The following ZNF729 variants were observed in gnomAD, a reference collection of about 807,000 sequenced individuals.
The protein encoded by ZNF729 is zinc finger protein 729.
Under a neutral mutation model 12.2 loss-of-function variants are expected in ZNF729, and 15 were observed. The ratio of observed to expected loss-of-function variants is 1.23; its 90% CI spans 0.82 to 1.89. The LOEUF (loss-of-function observed/expected upper bound fraction) is 1.89, where lower values mean the gene tolerates loss of function less well. ZNF729 is among the 40% of genes most tolerant of loss of function. The probability of loss-of-function intolerance (pLI) is 0.00; values close to 1 mark genes in which losing one functional copy is unlikely to be tolerated. For missense variants in ZNF729, 1,540 were observed against 1,456.7 expected, an observed-to-expected ratio of 1.06 and a Z score of -0.93; for synonymous variants, 492 against 476.3, an observed-to-expected ratio of 1.03 and a Z score of -0.43.
Position 22,316,316 on chromosome 19 carries a change from G to A in ZNF729, c.2899G>A (p.Ala967Thr), listed in dbSNP as rs1466627060. ...IHTGKKPYKCAECGKAFKQSS... is the reference protein window; with the variant it reads ...IHTGKKPYKCTECGKAFKQSS... ...TACTGGGAAGAAACCATACAAATGT[G>A]CAGAATGTGGCAAAGCTTTTAAGCA... The change falls in exon 4 of 4, where the codon GCA becomes ACA. Residue 967 changes from alanine to threonine, a missense_variant. Transcript: ENST00000601693. 19 of 1,613,650 alleles carry A rather than the reference G, an allele frequency of 1.2e-5. No homozygotes were observed. The highest frequency in any genetic ancestry group is 1.6e-5 in the Non-Finnish European group (19 of 1,179,698).
intron 3 of ZNF729, among the ~76,000 whole-genome samples, chr19:22,306,542 A>AT (rs1195314425): frequency 6.9e-6 from 1 of 144,094 alleles, no homozygotes; most frequent in East Asian, 2.0e-4. Flanking sequence ...TTGTTTAACT[A>AT]TTTTTTGTTT....
chr19:22,306,253 A>G (rs1372890148), intron 3 of ZNF729, among the ~76,000 whole-genome samples: 3 of 152,048 alleles, frequency 2.0e-5, no homozygotes, highest in South Asian at 2.1e-4. Flanking sequence ...AGCCTGGCCA[A>G]CATAGAGAAA....
intron 1 of ZNF729, among the ~76,000 whole-genome samples, chr19:22,290,950 C>T (rs1968143990): frequency 6.6e-6 from 1 of 152,030 alleles, no homozygotes; most frequent in Admixed American, 6.6e-5. Context: ...TATTATTGAA[C>T]TTGAAGAAGG....
At position 22,298,027 on chromosome 19, in the gene ZNF729, A is replaced by C. The variant is rs942233392; in HGVS notation, c.31-5731A>C. Among the ~76,000 whole-genome samples, 241 of 140,204 alleles carry C rather than the reference A, an allele frequency of 1.7e-3. 1 individual carries two copies. Among genetic ancestry groups the C allele is most frequent in the African/African-American group, 4.9e-3 (190 of 38,660 alleles). The allele number at this position is 140,204 out of a possible 152,430, so 92.0% of individuals were successfully genotyped here. ...TCTCAAAAAAAAAAAAAAAAAAAAA[A>C]CACAAAACATTGAGCACAAAGATAG... On this transcript the variant is annotated intron_variant, in intron 1 of 3. Coordinates refer to ENST00000601693, the MANE Select transcript of ZNF729 (RefSeq NM_001242680.2).
At chr19:22,307,581 T>C (rs1968395396) in intron 3 of ZNF729, among the ~76,000 whole-genome samples, 1 of 151,278 alleles carries the variant, frequency 6.6e-6, no homozygotes. Flanking sequence ...TTGTCTCTAC[T>C]AAAAATACAA....
chr19:22,289,108 CTG>C lies in ZNF729; in HGVS notation c.30+2556_30+2557del, dbSNP rs112553462. ...GCTTATTTTGACCTCAGTTTTTTAACTGTGAATTGCATTTTGTTAGTAGGGAT... is the reference window on the plus strand; with the variant it reads ...GCTTATTTTGACCTCAGTTTTTTAACTGAATTGCATTTTGTTAGTAGGGAT... On this transcript the variant is annotated intron_variant, in intron 1 of 3. Coordinates refer to ENST00000601693, the MANE Select transcript of ZNF729 (RefSeq NM_001242680.2). Among the ~76,000 whole-genome samples, 452 of 151,360 alleles carry C rather than the reference CTG, an allele frequency of 3.0e-3. 3 individuals carry two copies. Among genetic ancestry groups the C allele is most frequent in the African/African-American group, 0.011 (440 of 41,266 alleles).
intron 1 of ZNF729, among the ~76,000 whole-genome samples, chr19:22,287,531 T>G (rs1968095700): frequency 6.6e-6 from 1 of 152,114 alleles, no homozygotes; most frequent in Non-Finnish European, 1.5e-5. Flanking sequence ...CCTCCTAAAG[T>G]GCTGGGTTTA....
At chr19:22,286,669 G>A (rs1968082487) in intron 1 of ZNF729, 114 bp downstream of exon 1, 1 of 1,366,582 alleles carries the variant, frequency 7.3e-7, no homozygotes, top group East Asian at 2.3e-5. Context: ...ATCTGCGCCT[G>A]GAGTTCTTTC....
chr19:22,315,983 G>C lies in ZNF729; in HGVS notation c.2566G>C (p.Glu856Gln), dbSNP rs1036503971. ...TGGAAAGAAACCCTACAAATGTGAAGAATGTGGCAAAGCTTTTAGCCAATC... is the reference window on the plus strand; with the variant it reads ...TGGAAAGAAACCCTACAAATGTGAACAATGTGGCAAAGCTTTTAGCCAATC... Reference protein sequence around the residue: ...HTGKKPYKCEECGKAFSQSSS... With the variant: ...HTGKKPYKCEQCGKAFSQSSS... The change falls in exon 4 of 4, where the codon GAA becomes CAA. Residue 856 changes from glutamate to glutamine, a missense_variant. Glu to Gln is a conservative substitution (Grantham distance 29). Coordinates refer to ENST00000601693, the MANE Select transcript of ZNF729 (RefSeq NM_001242680.2). 6.2e-7 allele frequency: 1 copy of C among 1,611,138 alleles called. No individual in the cohort carries two copies. Among genetic ancestry groups the C allele is most frequent in the African/African-American group, 1.3e-5 (1 of 74,804 alleles).
chr19:22,315,186 A>G lies in ZNF729; in HGVS notation c.1769A>G (p.His590Arg). ...AAGCATTTCTCAGCCCTCAGAAAAC[A>G]TAAGGTAATTCATACTAGGGAGAAA... ...AFKHFSALRK[H>R]KVIHTREKLY... is the part of the protein sequence containing the mutation. Residue 590 changes from histidine to arginine, a missense_variant, in exon 4 of 4, where the codon CAT becomes CGT. Physicochemically the swap from His to Arg is conservative, Grantham distance 29 (BLOSUM62 0). Transcript: ENST00000601693. 1 of 1,611,280 alleles carries G rather than the reference A, an allele frequency of 6.2e-7. No homozygotes were observed. Among genetic ancestry groups the G allele is most frequent in the Non-Finnish European group, 8.5e-7 (1 of 1,178,822 alleles).
At chr19:22,308,510 C>A (rs559553828) in intron 3 of ZNF729, among the ~76,000 whole-genome samples, 2 of 152,156 alleles carry the variant, frequency 1.3e-5, no homozygotes, top group Admixed American at 1.3e-4. Context: ...GTTCCCTGAT[C>A]ACCACATACA....
intron 1 of ZNF729, among the ~76,000 whole-genome samples, chr19:22,293,317 A>G (rs1432555313): frequency 7.0e-6 from 1 of 143,482 alleles, no homozygotes; most frequent in Non-Finnish European, 1.5e-5. Flanking sequence ...TCCTGAGTGG[A>G]TGGAATTACA....
chr19:22,300,947 A>G (rs1210656610), intron 1 of ZNF729, among the ~76,000 whole-genome samples: 1 of 152,216 alleles, frequency 6.6e-6, no homozygotes, highest in African/African-American at 2.4e-5. Context: ...TTGAGAAAAA[A>G]GAAAAACTTT....
chr19:22,316,089 G>T lies in ZNF729; in HGVS notation c.2672G>T (p.Trp891Leu). ...GAAGAATGTGGTAAAGCTTTTAAGT[G>T]GTTGTCAAAACTTACTGTACATAAG... ...KCEECGKAFK[W>L]LSKLTVHKVI... The change falls in exon 4 of 4, where the codon TGG becomes TTG. Residue 891 changes from tryptophan (W) to leucine (L), a missense_variant. Physicochemically the swap from Trp to Leu is moderately conservative, Grantham distance 61. Transcript: ENST00000601693. 1 of 1,608,246 alleles carries T rather than the reference G, an allele frequency of 6.2e-7. No individual in the cohort carries two copies.
intron 1 of ZNF729, among the ~76,000 whole-genome samples, chr19:22,290,930 AGCT>A (rs200007634): frequency 0.015 from 2,353 of 152,220 alleles, 75 homozygotes; most frequent in African/African-American, 0.054. Context: ...TTCTGTGAGT[AGCT>A]GTATAATATT....
intron 1 of ZNF729, among the ~76,000 whole-genome samples, chr19:22,291,096 C>T (rs957299974): frequency 6.6e-6 from 1 of 151,996 alleles, no homozygotes; most frequent in Non-Finnish European, 1.5e-5. Context: ...TGGGTGGTGT[C>T]AGAATTCAAA....
At position 22,315,548 on chromosome 19, in the gene ZNF729, C is replaced by A. The variant is rs750411398; in HGVS notation, c.2131C>A (p.Pro711Thr). 13 of 1,610,740 alleles carry A rather than the reference C, an allele frequency of 8.1e-6. No homozygotes were observed. The highest frequency in any genetic ancestry group is 1.7e-4 in the Middle Eastern group (1 of 6,052). ...TAAGATAATTCATACTGGAGAGAAA[C>A]CCTACAAATGTGAAGAATGTGGTAA... ...RHKIIHTGEKPYKCEECGKAF... is the reference protein window; with the variant it reads ...RHKIIHTGEKTYKCEECGKAF... Residue 711 changes from proline (P) to threonine (T), a missense_variant, in exon 4 of 4, where the codon CCC (proline) becomes ACC (threonine). Pro to Thr is a conservative substitution (Grantham distance 38). Coordinates refer to ENST00000601693, the MANE Select transcript of ZNF729 (RefSeq NM_001242680.2).
chr19:22,297,165 G>A (rs1968238833), intron 1 of ZNF729, among the ~76,000 whole-genome samples: 1 of 152,088 alleles, frequency 6.6e-6, no homozygotes, highest in Non-Finnish European at 1.5e-5. Flanking sequence ...CTGTCTAATA[G>A]TATCTGTGAG....
At position 22,314,564 on chromosome 19, in the gene ZNF729, A is replaced by G. The variant is rs777954982; in HGVS notation, c.1147A>G (p.Lys383Glu). The change falls in exon 4 of 4, where the codon AAA becomes GAA. Residue 383 changes from lysine (K) to glutamate (E), a missense_variant. By Grantham distance (56) the Lys-to-Glu change is moderately conservative. Coordinates refer to ENST00000601693, the MANE Select transcript of ZNF729 (RefSeq NM_001242680.2). ...EKPYKCEECG[K>E]AFKWSSKLTV... ...ACCCTACAAATGTGAAGAATGTGGT[A>G]AAGCTTTTAAGTGGTCTTCAAAACT... The G allele has an allele frequency of 1.2e-6, 2 of 1,611,578 alleles. No individual in the cohort carries two copies. Among genetic ancestry groups the G allele is most frequent in the African/African-American group, 1.3e-5 (1 of 74,870 alleles).
Sources: allele counts gnomAD v4.1 joint callset (sites outside exome capture counted in the v4.1 genomes callset), GRCh38; gene constraint gnomAD v4.1.1; transcripts MANE v1.5; gene names NCBI Gene and HGNC (gene_info 2026-07-23, HGNC 2026-07-21).